RAD54L: variants seen among roughly 807,000 people sequenced by gnomAD.
The protein encoded by RAD54L is DNA repair and recombination protein RAD54-like.
In RAD54L, 74 loss-of-function variants were observed where a neutral mutation model predicts 91.6. The ratio of observed to expected loss-of-function variants is 0.81; its 90% confidence interval spans 0.67 to 0.98. The LOEUF is 0.98. RAD54L is among the 50% of genes least tolerant of loss of function. RAD54L has a pLI of 0.00. For missense variants in RAD54L, 887 were observed against 945.7 expected, an observed-to-expected ratio of 0.94 and a Z score of 0.81; for synonymous variants, 304 against 349.7, an observed-to-expected ratio of 0.87 and a Z score of 1.46.
chr1:46,251,634 T>C (rs113465824), intron 3 of RAD54L, among the ~76,000 whole-genome samples: 4 of 152,308 alleles, frequency 2.6e-5, no homozygotes, highest in East Asian at 1.9e-4. Flanking sequence ...TGGGTGGGCA[T>C]GTTGGTTCAT....
Position 46,273,697 on chromosome 1 carries a change from GA to G in RAD54L, c.1562del (p.Asn521IlefsTer36), listed in dbSNP as rs2148302114. On this transcript the variant is annotated frameshift_variant, in exon 14 of 18. Transcript: ENST00000371975. LOFTEE classifies it high-confidence loss of function. The stretch of plus-strand genomic sequence containing the variant: ...GCAGTGACAAAGTAGTGCTGGTGTC[GA>G]ATTACACCCAGACTTTGGATCTCTT... The part of the protein sequence containing the change: ...RSSDKVVLVS[N>X]YTQTLDLFEK... The G allele has an allele frequency of 6.2e-7, 1 of 1,613,340 alleles. No individual in the cohort carries two copies. The highest frequency in any genetic ancestry group is 8.5e-7 in the Non-Finnish European group (1 of 1,179,724).
chr1:46,269,308 G>A (rs895934925), intron 9 of RAD54L, among the ~76,000 whole-genome samples: 3 of 149,674 alleles, frequency 2.0e-5, no homozygotes, highest in Non-Finnish European at 4.4e-5. Flanking sequence ...TCCAACTATA[G>A]TCTTTTTTTT....
chr1:46,272,375 C>G, intron 10 of RAD54L, 91 bp from the exon 11 acceptor site: 1 of 1,124,612 alleles, frequency 8.9e-7, no homozygotes, highest in South Asian at 1.2e-5. Context: ...TAAAAGAGGG[C>G]TAGTCTTGGT....
At position 46,248,580 on chromosome 1, in the gene RAD54L, C is replaced by T; in HGVS notation, c.72C>T (p.Asp24=). 1.2e-6 allele frequency: 2 copies of T among 1,614,172 alleles called. No individual in the cohort carries two copies. Among genetic ancestry groups the T allele is most frequent in the Non-Finnish European group, 1.7e-6 (2 of 1,180,034 alleles). Residue 24 remains aspartate, a synonymous_variant, in exon 2 of 18, where the codon GAC becomes GAT. Coordinates refer to ENST00000371975, the MANE Select transcript of RAD54L (RefSeq NM_003579.4). ...AAGGCAGGTCCTGTGATGATGAAGA[C>T]TGGCAACCTGGCCTAGTGGTGAGCA... ...KPEGRSCDDE[D]WQPGLVTPRK...
chr1:46,251,039 T>A (rs1659784401), intron 3 of RAD54L, among the ~76,000 whole-genome samples: 1 of 151,330 alleles, frequency 6.6e-6, no homozygotes, highest in African/African-American at 2.4e-5. Flanking sequence ...CCAGGCGCAG[T>A]GGCTCACGCC....
intron 12 of RAD54L, 120 bp from the exon 13 acceptor site, chr1:46,273,235 C>A: frequency 2.3e-6 from 2 of 863,312 alleles, no homozygotes; most frequent in Non-Finnish European, 4.0e-6. Context: ...GGATGAAGAT[C>A]AAGCAAGTCT....
Position 46,267,490 on chromosome 1 carries a change from C to T in RAD54L, c.923C>T (p.Thr308Ile), listed in dbSNP as rs1660299032. 2 of 1,614,180 alleles carry T rather than the reference C, an allele frequency of 1.2e-6. No individual in the cohort carries two copies. The highest frequency in any genetic ancestry group is 1.7e-4 in the Middle Eastern group (1 of 6,046). The change falls in exon 9 of 18, where the codon ACT becomes ATT. Residue 308 changes from threonine to isoleucine, a missense_variant. Transcript: ENST00000371975. ...AGGCTCAAGAACTCTGAGAATCAGA[C>T]TTACCAAGCCCTGGACAGCTTGAAC... ...GHRLKNSENQ[T>I]YQALDSLNTS...
Position 46,259,073 on chromosome 1 carries a change from G to A in RAD54L, c.271+327G>A, listed in dbSNP as rs72899083. Among the ~76,000 whole-genome samples the A allele has an allele frequency of 6.9e-3, 1,051 of 152,276 alleles. 16 individuals are homozygous for A. The highest frequency in any genetic ancestry group is 0.024 in the African/African-American group (1,000 of 41,556). On this transcript the variant is annotated intron_variant, in intron 4 of 17. Transcript: ENST00000371975. Reference sequence around the variant, plus strand: ...TCCCTTTTATGAGGCTGACTGTGTGGGAGGCCTGGATTCTATAAGGTTTTT... The same window carrying A: ...TCCCTTTTATGAGGCTGACTGTGTGAGAGGCCTGGATTCTATAAGGTTTTT...
chr1:46,274,038 C>A, intron 14 of RAD54L, 100 bp from the exon 15 acceptor site: 1 of 1,215,644 alleles, frequency 8.2e-7, no homozygotes, highest in Non-Finnish European at 1.2e-6. Flanking sequence ...CTCCAAGGGA[C>A]TCTGCTTTCT....
At chr1:46,273,566 A>G (rs546619226) in intron 13 of RAD54L, 58 bp from the exon 14 acceptor site, 1 of 1,612,352 alleles carries the variant, frequency 6.2e-7, no homozygotes, top group South Asian at 1.1e-5. Context: ...TATCAAGAGT[A>G]AGAAGCCTGG....
intron 2 of RAD54L, among the ~76,000 whole-genome samples, chr1:46,249,469 G>T (rs1659740848): frequency 6.6e-6 from 1 of 152,194 alleles, no homozygotes; most frequent in African/African-American, 2.4e-5. Flanking sequence ...CCATGTACAT[G>T]GGTCTCAGAC....
chr1:46,248,496 T>C lies in RAD54L; in HGVS notation c.4-16T>C. 1 of 1,614,124 alleles carries C rather than the reference T, an allele frequency of 6.2e-7. No homozygotes were observed. The highest frequency in any genetic ancestry group is 8.5e-7 in the Non-Finnish European group (1 of 1,179,994). The stretch of plus-strand genomic sequence containing the variant: ...GCAGGATCCTTGCAGGCACTGTTTC[T>C]GTTCTCCCTTTACAGAGGAGGAGCT... On this transcript the variant is annotated splice_polypyrimidine_tract_variant and intron_variant, in intron 1 of 17. Transcript: ENST00000371975.
rs1279868127 is a variant in RAD54L, at chr1:46,248,359, G to C, written c.-47G>C. 6.2e-7 allele frequency: 1 copy of C among 1,612,134 alleles called. No homozygotes were observed. The highest frequency in any genetic ancestry group is 8.5e-7 in the Non-Finnish European group (1 of 1,179,746). On this transcript the variant is annotated 5_prime_UTR_variant, in exon 1 of 18. Coordinates refer to ENST00000371975, the MANE Select transcript of RAD54L (RefSeq NM_003579.4). ...ACACTCTTAGCCGCTGCCTGCTTTT[G>C]ACCTTTGGCTCATGGGTACTTGACG... is the stretch of plus-strand genomic sequence containing the variant.
chr1:46,253,612 TA>T (rs775591800), intron 3 of RAD54L, among the ~76,000 whole-genome samples: 262 of 126,642 alleles, frequency 2.1e-3, no homozygotes, highest in Admixed American at 2.4e-3. Flanking sequence ...AGACTCTGTC[TA>T]AAAAAAAAAA....
In RAD54L at chr1:46,248,226, T is replaced by C; in HGVS notation, c.-180T>C. 2 of 803,796 alleles carry C rather than the reference T, an allele frequency of 2.5e-6. No homozygotes were observed. Among genetic ancestry groups the C allele is most frequent in the Admixed American group, 4.1e-5 (2 of 49,354 alleles). 49.8% of individuals were successfully genotyped at this position (803,796 alleles called of 1,614,324 possible). ...GGGGACGGCCACTCTCACAGTTTGG[T>C]TCCAAACACCAGTTCCTGGATGGAT... On this transcript the variant is annotated 5_prime_UTR_variant, in exon 1 of 18. Transcript: ENST00000371975.
rs775290794 is a variant in RAD54L, at chr1:46,250,095, A to G, written c.186A>G (p.Pro62=). The G allele has an allele frequency of 3.2e-5, 51 of 1,613,982 alleles. No individual in the cohort carries two copies. The highest frequency in any genetic ancestry group is 4.3e-5 in the Non-Finnish European group (51 of 1,180,030). Residue 62 remains proline, a synonymous_variant, in exon 3 of 18, where the codon CCA becomes CCG. Transcript: ENST00000371975. ...RKPLSQLTNQ[P]PCLDSSQHEA... is the part of the protein sequence containing the mutation. Reference sequence around the variant, plus strand: ...CTTTGAGTCAGCTAACCAATCAACCACCTTGTCTGGACAGCAGTCAGCATG... The same window carrying G: ...CTTTGAGTCAGCTAACCAATCAACCGCCTTGTCTGGACAGCAGTCAGCATG...
At chr1:46,273,319 A>G (rs1361809781) in intron 12 of RAD54L, 36 bp from the exon 13 acceptor site, 11 of 1,553,642 alleles carry the variant, frequency 7.1e-6, no homozygotes, top group Non-Finnish European at 9.8e-6. Context: ...AACTTCAGAA[A>G]GCAAAGTATC....
At chr1:46,258,850 G>C in intron 4 of RAD54L, 104 bp downstream of exon 4, 2 of 971,172 alleles carry the variant, frequency 2.1e-6, no homozygotes, top group East Asian at 5.0e-5. Flanking sequence ...GGAATTGAAG[G>C]TGCCAGTCCA....
At chr1:46,261,210 T>G (rs777477359) in intron 7 of RAD54L, 51 bp from the exon 8 acceptor site, 61 of 1,606,842 alleles carry the variant, frequency 3.8e-5, no homozygotes, top group Non-Finnish European at 4.4e-5. Context: ...TTTTGTTTTT[T>G]TTTTTTTCAA....
Sources: gnomAD v4.1 joint callset for allele counts (sites outside exome capture counted in the v4.1 genomes callset) on GRCh38, gnomAD v4.1.1 for gene constraint, MANE v1.5 for transcripts, NCBI Gene and HGNC (gene_info 2026-07-23, HGNC 2026-07-21) for gene names.